The following RHNO1 variants were observed in gnomAD, a reference collection of about 807,000 sequenced individuals.
RHNO1 encodes the protein RAD9, HUS1, RAD1-interacting nuclear orphan protein 1.
Under a neutral mutation model 7.2 loss-of-function variants are expected in RHNO1, and 9 were observed. The observed-to-expected ratio is 1.25, with a 90% CI of 0.75 to 2.18. The LOEUF is 2.18. Among genes scored for constraint, RHNO1 ranks in the 30% most tolerant of loss-of-function variants. The pLI, the probability that RHNO1 is intolerant of heterozygous loss-of-function variation, is 0.00. For missense variants in RHNO1, 292 were observed against 284.5 expected (o/e 1.03, Z -0.19); for synonymous variants, 95 against 107.5 (o/e 0.88, Z 0.72).
At chr12:2,887,770 T>C in intron 2 of RHNO1, 141 bp from the exon 3 acceptor site, 1 of 639,452 alleles carries the variant, frequency 1.6e-6, no homozygotes, top group Non-Finnish European at 2.5e-6. Flanking sequence ...AGCTTCCTGT[T>C]ATTATGCCAT....
chr12:2,883,611 G>A (rs528494320), intron 1 of RHNO1, among the ~76,000 whole-genome samples: 5 of 145,870 alleles, frequency 3.4e-5, no homozygotes, highest in Admixed American at 1.4e-4. Context: ...TCCGCCTCCC[G>A]GGTTCAAGCG....
chr12:2,881,189 G>A (rs1274684115), intron 1 of RHNO1, among the ~76,000 whole-genome samples: 3 of 151,844 alleles, frequency 2.0e-5, no homozygotes, highest in African/African-American at 4.9e-5. Context: ...TGCAACCTCC[G>A]CCTCCCGGGT....
intron 1 of RHNO1, among the ~76,000 whole-genome samples, chr12:2,882,628 G>A (rs950915762): frequency 9.3e-5 from 14 of 150,826 alleles, no homozygotes; most frequent in African/African-American, 2.7e-4. Flanking sequence ...TCTTGAACTC[G>A]GGAGGTGGCG....
chr12:2,888,227 C>CATCGTCTGTG lies in RHNO1; in HGVS notation c.487_496dup (p.Lys166IlefsTer28), dbSNP rs1339723890. On this transcript the variant is annotated frameshift_variant, in exon 3 of 3. Transcript: ENST00000489288. LOFTEE classifies it low-confidence loss of function (END_TRUNC). ...CCACCTGATATCCAGACCCCAGAGTCATCGTCTGTGAAGGAAGAACTCATT... is the reference window on the plus strand; with the variant it reads ...CCACCTGATATCCAGACCCCAGAGTCATCGTCTGTGATCGTCTGTGAAGGAAGAACTCATT... 1 of 1,614,092 alleles carries CATCGTCTGTG rather than the reference C, an allele frequency of 6.2e-7. No homozygotes were observed. Among genetic ancestry groups the CATCGTCTGTG allele is most frequent in the Admixed American group, 1.7e-5 (1 of 59,998 alleles).
At chr12:2,886,958 G>GAGACATTCATTAACAAAGAC in intron 2 of RHNO1, 1 of 455,960 alleles carries the variant, frequency 2.2e-6, no homozygotes, top group South Asian at 1.5e-5. Flanking sequence ...TTCATTAACT[G>GAGACATTCATTAACAAAGAC]AGGGCCTTCT....
Position 2,883,685 on chromosome 12 carries a change from T to C in RHNO1, c.-84-1598T>C, listed in dbSNP as rs1341592307. Reference sequence around the variant, plus strand: ...GCATGTGCCACCACGCCCAGCTAATTTTGTATTTTTCGTAGGGACAGGGTT... The same window carrying C: ...GCATGTGCCACCACGCCCAGCTAATCTTGTATTTTTCGTAGGGACAGGGTT... On this transcript the variant is annotated intron_variant, in intron 1 of 2. Coordinates refer to ENST00000489288, the MANE Select transcript of RHNO1 (RefSeq NM_001252499.3). 1.2e-4 allele frequency among the ~76,000 whole-genome samples: 18 copies of C among 150,660 alleles called. 1 individual carries two copies. In the East Asian group the frequency reaches 3.6e-3, roughly 30 times the overall value.
intron 2 of RHNO1, among the ~76,000 whole-genome samples, chr12:2,887,379 T>G (rs1278494567): frequency 6.7e-6 from 1 of 150,040 alleles, no homozygotes; most frequent in Non-Finnish European, 1.5e-5. Flanking sequence ...ACGGGAAGCT[T>G]AGGCAGCAGA....
Position 2,888,163 on chromosome 12 carries a change from T to G in RHNO1, c.421T>G (p.Ser141Ala). 1 of 1,614,144 alleles carries G rather than the reference T, an allele frequency of 6.2e-7. No individual in the cohort carries two copies. Among genetic ancestry groups the G allele is most frequent in the East Asian group, 2.2e-5 (1 of 44,876 alleles). Residue 141 changes from serine (S) to alanine (A), a missense_variant, in exon 3 of 3, where the codon TCA becomes GCA. Transcript: ENST00000489288. ...CAGTCCCCAAAGCTGTGGGAACATG[T>G]CAGTGCAGGCACTTCAGAGCTTACC... ...VLSPQSCGNM[S>A]VQALQSLPYV...
intron 2 of RHNO1, 47 bp from the exon 3 acceptor site, chr12:2,887,864 A>G: frequency 6.9e-7 from 1 of 1,448,588 alleles, no homozygotes; most frequent in Non-Finnish European, 9.3e-7. Context: ...TTCCTCTCTT[A>G]GGTTAGTACT....
At chr12:2,883,843 G>T (rs1482999245) in intron 1 of RHNO1, among the ~76,000 whole-genome samples, 2 of 151,772 alleles carry the variant, frequency 1.3e-5, no homozygotes, top group East Asian at 3.9e-4. Flanking sequence ...AATAATCCAG[G>T]GATAGAAGAA....
At chr12:2,883,697 G>A (rs1251165028) in intron 1 of RHNO1, among the ~76,000 whole-genome samples, 3 of 150,470 alleles carry the variant, frequency 2.0e-5, no homozygotes, top group South Asian at 2.1e-4. Flanking sequence ...TGTATTTTTC[G>A]TAGGGACAGG....
chr12:2,887,478 CAAAAAAAA>C (rs11310263), intron 2 of RHNO1, among the ~76,000 whole-genome samples: 2 of 89,100 alleles, frequency 2.2e-5, no homozygotes, highest in Admixed American at 1.3e-4. Flanking sequence ...ACTCTGTCTC[CAAAAAAAA>C]AAAAAAAAAA....
chr12:2,887,802 T>C, intron 2 of RHNO1, 109 bp from the exon 3 acceptor site: 1 of 841,834 alleles, frequency 1.2e-6, no homozygotes, highest in Non-Finnish European at 1.8e-6. Context: ...TTTAGTTTTG[T>C]GTTCATTACT....
intron 1 of RHNO1, among the ~76,000 whole-genome samples, chr12:2,881,702 C>T (rs904220259): frequency 6.6e-6 from 1 of 151,126 alleles, no homozygotes; most frequent in Non-Finnish European, 1.5e-5. Context: ...GTCAGGAGTT[C>T]GAGACCAGCC....
Position 2,888,254 on chromosome 12 carries a change from C to G in RHNO1, c.512C>G (p.Pro171Arg). Residue 171 changes from proline (P) to arginine (R), a missense_variant, in exon 3 of 3, where the codon CCC (proline) becomes CGC (arginine). Coordinates refer to ENST00000489288, the MANE Select transcript of RHNO1 (RefSeq NM_001252499.3). ...TCGTCTGTGAAGGAAGAACTCATTC[C>G]CCAAGATCAGAAGGAAAACAGCCTT... ...ESSSVKEELIPQDQKENSLLS... is the reference protein window; with the variant it reads ...ESSSVKEELIRQDQKENSLLS... 6.2e-7 allele frequency: 1 copy of G among 1,614,094 alleles called. No individual in the cohort carries two copies. The highest frequency in any genetic ancestry group is 1.7e-5 in the Admixed American group (1 of 59,994).
upstream of RHNO1, among the ~76,000 whole-genome samples, chr12:2,876,760 G>A (rs1009015187): frequency 1.3e-5 from 2 of 152,200 alleles, no homozygotes; most frequent in African/African-American, 4.8e-5. Flanking sequence ...GGTGGACGCA[G>A]AAAAAACTTG....
In RHNO1 at chr12:2,888,477, A is replaced by G; in HGVS notation, c.*18A>G. ...AAAGCTGACTGCCATCAGTAATCTCAATAGAAAAGAGATATGTTTTCTGGA... is the reference window on the plus strand; with the variant it reads ...AAAGCTGACTGCCATCAGTAATCTCGATAGAAAAGAGATATGTTTTCTGGA... On this transcript the variant is annotated 3_prime_UTR_variant, in exon 3 of 3. Coordinates refer to ENST00000489288, the MANE Select transcript of RHNO1 (RefSeq NM_001252499.3). 1.3e-6 allele frequency: 2 copies of G among 1,507,460 alleles called. No individual in the cohort carries two copies. The highest frequency in any genetic ancestry group is 1.8e-6 in the Non-Finnish European group (2 of 1,121,494). The allele number at this position is 1,507,460 out of a possible 1,614,324, so 93.4% of individuals were successfully genotyped here.
chr12:2,885,728 C>T (rs1172017369), intron 2 of RHNO1, 194 bp downstream of exon 2: 21 of 470,910 alleles, frequency 4.5e-5, no homozygotes, highest in Non-Finnish European at 7.5e-5. Context: ...GCACCCGCCA[C>T]CACGCCCGGC....
intron 1 of RHNO1, among the ~76,000 whole-genome samples, chr12:2,883,088 C>T (rs372819244): frequency 1.1e-5 from 1 of 88,732 alleles, no homozygotes; most frequent in Non-Finnish European, 2.3e-5. Context: ...AAAAAAAACA[C>T]ATAGAAAACC....
Sources: allele counts gnomAD v4.1 joint callset (sites outside exome capture counted in the v4.1 genomes callset), GRCh38; gene constraint gnomAD v4.1.1; transcripts MANE v1.5; gene names NCBI Gene and HGNC (gene_info 2026-07-23, HGNC 2026-07-21).